Variants in DOCK9 observed in about 807,000 individuals in gnomAD.
DOCK9 encodes dedicator of cytokinesis protein 9.
A neutral mutation model predicts 263.3 loss-of-function variants in DOCK9; 89 were observed. The ratio of observed to expected loss-of-function variants is 0.34; its 90% CI spans 0.28 to 0.40. The LOEUF (loss-of-function observed/expected upper bound fraction) is 0.40. Ranked by LOEUF, DOCK9 falls within the 10% of genes least tolerant of loss-of-function variation. The pLI is 1.00. For missense variants in DOCK9, 2,140 were observed against 2,603.4 expected (o/e 0.82, Z 3.87); for synonymous variants, 976 against 973.1 (o/e 1.00, Z -0.06).
chr13:98,868,433 G>A lies in DOCK9; in HGVS notation c.2944-56C>T, dbSNP rs541033332. Reference sequence around the variant, plus strand: ...TTTATTAAGTTGCAATCATTTGGGAGGAAAAAATATCTCATCCCTGAGTCC... The same window carrying A: ...TTTATTAAGTTGCAATCATTTGGGAAGAAAAAATATCTCATCCCTGAGTCC... On this transcript the variant is annotated intron_variant, in intron 27 of 52. Transcript: ENST00000682017. 12 of 1,520,486 alleles carry A rather than the reference G, an allele frequency of 7.9e-6. No homozygotes were observed. In the East Asian group the frequency reaches 2.6e-4, roughly 33 times the overall value. The allele number at this position is 1,520,486 out of a possible 1,614,324, so 94.2% of individuals were successfully genotyped here.
At chr13:98,813,310 C>T (rs1484790853) in intron 45 of DOCK9, among the ~76,000 whole-genome samples, 1 of 152,170 alleles carries the variant, frequency 6.6e-6, no homozygotes, top group Non-Finnish European at 1.5e-5. Flanking sequence ...AGGGGCAAAG[C>T]ATTCAGTCTT....
chr13:98,867,616 T>A, intron 29 of DOCK9, 80 bp from the exon 30 acceptor site: 1 of 927,558 alleles, frequency 1.1e-6, no homozygotes, highest in Admixed American at 2.1e-5. Context: ...AGCAATAGTA[T>A]GCTAGAAATA....
chr13:99,044,081 A>G (rs568621732), intron 1 of DOCK9, among the ~76,000 whole-genome samples: 1 of 152,344 alleles, frequency 6.6e-6, no homozygotes, highest in African/African-American at 2.4e-5. Flanking sequence ...CTCTAAAGTT[A>G]TCTGCTAACA....
At chr13:98,801,473 T>C (rs2090098089) in intron 49 of DOCK9, among the ~76,000 whole-genome samples, 1 of 152,294 alleles carries the variant, frequency 6.6e-6, no homozygotes, top group East Asian at 1.9e-4. Context: ...TTCTTATATA[T>C]TTTTTAACCA....
intron 45 of DOCK9, chr13:98,820,578 G>A (rs751606494): frequency 9.9e-5 from 28 of 282,928 alleles, no homozygotes; most frequent in Non-Finnish European, 1.8e-4. Flanking sequence ...AAAGTAAGAG[G>A]AGGAACACAT....
chr13:98,989,980 T>C (rs1567177637), intron 1 of DOCK9, among the ~76,000 whole-genome samples: 1 of 152,192 alleles, frequency 6.6e-6, no homozygotes. Context: ...TGTGATCACA[T>C]ATTGAAACAC....
At chr13:98,927,371 C>T (rs1937324160) in intron 3 of DOCK9, among the ~76,000 whole-genome samples, 1 of 152,134 alleles carries the variant, frequency 6.6e-6, no homozygotes. Context: ...GCCCCTAGGT[C>T]CACTGGCACA....
In DOCK9 at chr13:98,797,383, C is replaced by A. The variant is rs781242456; in HGVS notation, c.6017+6G>T. ...AAGAGAAAAAGATGCTTTCAGTGTG[C>A]TTTACCTGAAAACTTCCTTAAGCAG... is the stretch of plus-strand genomic sequence containing the variant. On this transcript the variant is annotated splice_donor_region_variant and intron_variant, in intron 51 of 52. Coordinates refer to ENST00000682017, the MANE Select transcript of DOCK9 (RefSeq NM_001366683.2). The A allele has an allele frequency of 7.4e-6, 12 of 1,612,440 alleles. No individual in the cohort carries two copies. In the Admixed American group the frequency reaches 2.0e-4, roughly 27 times the overall value.
intron 2 of DOCK9, among the ~76,000 whole-genome samples, chr13:98,952,338 A>G (rs1174251156): frequency 6.7e-6 from 1 of 148,606 alleles, no homozygotes; most frequent in Admixed American, 6.7e-5. Context: ...TGGTTTCAAG[A>G]GATTCTCCTG....
intron 7 of DOCK9, among the ~76,000 whole-genome samples, chr13:98,917,138 T>G (rs2051017414): frequency 6.6e-6 from 1 of 152,184 alleles, no homozygotes; most frequent in South Asian, 2.1e-4. Flanking sequence ...ACCTTAGATT[T>G]TGAAATGCAC....
upstream of DOCK9, chr13:99,086,759 G>A (rs1004395216): frequency 6.8e-6 from 1 of 147,570 alleles, no homozygotes; most frequent in Non-Finnish European, 1.5e-5. Flanking sequence ...GCGGCGGGAC[G>A]GCGGGCCAGG....
intron 1 of DOCK9, among the ~76,000 whole-genome samples, chr13:98,993,052 G>A (rs765517934): frequency 1.3e-5 from 2 of 152,192 alleles, no homozygotes; most frequent in African/African-American, 2.4e-5. Context: ...AGACAGAAAG[G>A]TAGGTGGAAT....
chr13:98,824,357 T>C (rs2092433167), intron 45 of DOCK9, 41 bp downstream of exon 45: 4 of 1,583,520 alleles, frequency 2.5e-6, no homozygotes, highest in Non-Finnish European at 3.5e-6. Context: ...GGCTCCCAGA[T>C]ACCCCAGTAC....
At chr13:98,900,328 A>G (rs1310307077) in intron 13 of DOCK9, among the ~76,000 whole-genome samples, 2 of 152,216 alleles carry the variant, frequency 1.3e-5, no homozygotes. Flanking sequence ...GTTGCTGTGG[A>G]TGGGCCTTGG....
intron 34 of DOCK9, among the ~76,000 whole-genome samples, chr13:98,853,740 G>A (rs761467262): frequency 3.9e-5 from 6 of 152,044 alleles, no homozygotes; most frequent in Admixed American, 6.6e-5. Context: ...TCCTCAGCAC[G>A]CTCTCCTGAG....
chr13:98,920,959 C>A lies in DOCK9; in HGVS notation c.712G>T (p.Val238Phe). Reference sequence around the variant, plus strand: ...AAAACTCTTTTCATATTTACCTGAACGACACCCATACAGGAATCCAGAAAT... The same window carrying A: ...AAAACTCTTTTCATATTTACCTGAAAGACACCCATACAGGAATCCAGAAAT... ...SIFLDSCMGVVQNNKVRRFAF... is the reference protein window; with the variant it reads ...SIFLDSCMGVFQNNKVRRFAF... Residue 238 changes from valine (V) to phenylalanine (F), a missense_variant, in exon 7 of 53, where the codon GTT becomes TTT. By Grantham distance (50) the Val-to-Phe change is conservative. This residue lies in a region of DOCK9 where 1,521 missense variants were observed against 1,741.7 expected (regional missense o/e 0.87). Transcript: ENST00000682017. The A allele has an allele frequency of 3.7e-6, 6 of 1,602,546 alleles. No individual in the cohort carries two copies. Among genetic ancestry groups the A allele is most frequent in the Non-Finnish European group, 5.1e-6 (6 of 1,174,876 alleles).
intron 12 of DOCK9, 37 bp from the exon 13 acceptor site, chr13:98,901,937 C>G (rs1178750463): frequency 6.2e-7 from 1 of 1,603,208 alleles, no homozygotes; most frequent in South Asian, 1.1e-5. Flanking sequence ...AAGCAGAATT[C>G]ACAGCTACGT....
intron 1 of DOCK9, among the ~76,000 whole-genome samples, chr13:98,975,302 CA>C: frequency 6.6e-6 from 1 of 151,336 alleles, no homozygotes; most frequent in Non-Finnish European, 1.5e-5. Context: ...ACGGAGGTTG[CA>C]GTGGGCCGAG....
chr13:99,077,837 C>T (rs147084621), intron 1 of DOCK9, among the ~76,000 whole-genome samples: 181 of 152,330 alleles, frequency 1.2e-3, no homozygotes, highest in African/African-American at 4.3e-3. Context: ...TGGAACTAGG[C>T]TCCCAGCCCA....
Sources: allele counts gnomAD v4.1 joint callset (sites outside exome capture counted in the v4.1 genomes callset), GRCh38; gene constraint gnomAD v4.1.1; regional missense constraint gnomAD v4.1.1; transcripts MANE v1.5; gene names NCBI Gene and HGNC (gene_info 2026-07-23, HGNC 2026-07-21).